SLC25A26: variants seen among roughly 807,000 people sequenced by gnomAD.
SLC25A26 encodes solute carrier family 25 member 26.
Under a neutral mutation model 37.8 loss-of-function variants are expected in SLC25A26, and 36 were observed. The observed-to-expected ratio is 0.95, with a 90% confidence interval of 0.73 to 1.26. The LOEUF (loss-of-function observed/expected upper bound fraction) is 1.26, where lower values mean the gene tolerates loss of function less well. Among genes scored for constraint, SLC25A26 ranks in the 50% most tolerant of loss-of-function variants. The pLI is 0.00. For missense variants in SLC25A26, 390 were observed against 331.1 expected (o/e 1.18, Z -1.38); for synonymous variants, 129 against 122.5 (o/e 1.05, Z -0.35).
chr3:66,184,585 C>CTGCTCACCTTGAGTTCACTATGTATTACA (rs2070780311), intron 1 of SLC25A26, among the ~76,000 whole-genome samples: 1 of 128,132 alleles, frequency 7.8e-6, no homozygotes, highest in Non-Finnish European at 1.7e-5. Context: ...TCACCTGACT[C>CTGCTCACCTTGAGTTCACTATGTATTACA]TGCTCACCTT....
chr3:66,234,355 C>G (rs1166197905), intron 1 of SLC25A26, among the ~76,000 whole-genome samples: 1 of 152,180 alleles, frequency 6.6e-6, no homozygotes, highest in East Asian at 1.9e-4. Context: ...AACTTTTTCC[C>G]ATGACTTAGG....
chr3:66,194,581 C>G (rs1315645403), intron 1 of SLC25A26, among the ~76,000 whole-genome samples: 4 of 152,190 alleles, frequency 2.6e-5, no homozygotes, highest in African/African-American at 9.6e-5. Context: ...AATCAACCCT[C>G]TCTAGGGTCC....
At chr3:66,308,620 A>G (rs1397234494) in intron 5 of SLC25A26, among the ~76,000 whole-genome samples, 1 of 152,180 alleles carries the variant, frequency 6.6e-6, no homozygotes, top group Non-Finnish European at 1.5e-5. Flanking sequence ...CCCATTGAGT[A>G]TGACACTGGC....
intron 5 of SLC25A26, among the ~76,000 whole-genome samples, chr3:66,327,360 G>A (rs1343484865): frequency 6.6e-6 from 1 of 152,046 alleles, no homozygotes; most frequent in Non-Finnish European, 1.5e-5. Flanking sequence ...TTGACTCCAG[G>A]ATAAAAACAC....
chr3:66,339,559 G>A (rs1362367255), intron 5 of SLC25A26, among the ~76,000 whole-genome samples: 4 of 151,526 alleles, frequency 2.6e-5, no homozygotes, highest in Non-Finnish European at 5.9e-5. Context: ...TGTTTTTGTT[G>A]CTAGTAGCCC....
chr3:66,211,365 C>G (rs1052084330), intron 1 of SLC25A26, among the ~76,000 whole-genome samples: 20 of 151,928 alleles, frequency 1.3e-4, no homozygotes, highest in African/African-American at 4.8e-4. Context: ...GGAAGGTTTG[C>G]AATGAGAAAG....
rs1301722822 is a variant in SLC25A26, at chr3:66,192,334, A to AAAG, written c.-353-28407_-353-28406insAGA. Among the ~76,000 whole-genome samples the AAAG allele has an allele frequency of 8.4e-3, 1,260 of 150,438 alleles. 24 individuals carry two copies. Among genetic ancestry groups the AAAG allele is most frequent in the African/African-American group, 0.029 (1,183 of 40,524 alleles). ...CCATGTCACAAAAAAAAAAAAAAAA[A>AAAG]AGAGAGAGAAATTGCAGAATTTGCT... is the stretch of plus-strand genomic sequence containing the variant. On this transcript the variant is annotated intron_variant, in intron 1 of 10. Transcript: ENST00000676754.
chr3:66,138,258 G>A (rs542743561), intron 1 of SLC25A26, among the ~76,000 whole-genome samples: 3 of 151,944 alleles, frequency 2.0e-5, no homozygotes, highest in East Asian at 1.9e-4. Context: ...TGTATACATC[G>A]TATACAATGT....
chr3:66,277,894 C>G (rs1216004719), intron 5 of SLC25A26, among the ~76,000 whole-genome samples: 1 of 151,738 alleles, frequency 6.6e-6, no homozygotes, highest in Admixed American at 6.6e-5. Flanking sequence ...TCACACAAAC[C>G]GAGATTGAGA....
intron 3 of SLC25A26, among the ~76,000 whole-genome samples, chr3:66,260,757 T>C (rs1397331561): frequency 6.6e-6 from 1 of 152,212 alleles, no homozygotes; most frequent in East Asian, 1.9e-4. Context: ...AATATAGTTT[T>C]ATTGGAACAT....
intron 3 of SLC25A26, among the ~76,000 whole-genome samples, chr3:66,244,378 T>C (rs2072727364): frequency 6.6e-6 from 1 of 152,190 alleles, no homozygotes; most frequent in South Asian, 2.1e-4. Context: ...ACTGTAGTCT[T>C]AGTTGGAGAT....
At chr3:66,285,018 G>T (rs2074463110) in intron 5 of SLC25A26, among the ~76,000 whole-genome samples, 1 of 152,140 alleles carries the variant, frequency 6.6e-6, no homozygotes, top group Admixed American at 6.5e-5. Flanking sequence ...ATTAAGGATA[G>T]TACCAACTCT....
At chr3:66,251,325 G>C (rs1435932171) in intron 3 of SLC25A26, among the ~76,000 whole-genome samples, 2 of 152,174 alleles carry the variant, frequency 1.3e-5, no homozygotes, top group Non-Finnish European at 2.9e-5. Context: ...TGCAGAGGGA[G>C]AGAGTGAGTT....
intron 3 of SLC25A26, among the ~76,000 whole-genome samples, chr3:66,251,437 A>C (rs182269676): frequency 6.6e-6 from 1 of 152,168 alleles, no homozygotes; most frequent in African/African-American, 2.4e-5. Context: ...GATGCCTTTT[A>C]GTTTGTTGTG....
intron 3 of SLC25A26, among the ~76,000 whole-genome samples, chr3:66,256,792 G>C (rs2073321200): frequency 6.6e-6 from 1 of 152,110 alleles, no homozygotes. Flanking sequence ...CTCCGCAAGA[G>C]GCTGAGATGG....
chr3:66,361,803 C>T (rs2076713851), intron 6 of SLC25A26, among the ~76,000 whole-genome samples: 1 of 151,978 alleles, frequency 6.6e-6, no homozygotes, highest in Non-Finnish European at 1.5e-5. Flanking sequence ...GTGTCTAGGA[C>T]TAAAAATACA....
intron 5 of SLC25A26, among the ~76,000 whole-genome samples, chr3:66,306,326 G>C (rs2075220402): frequency 6.6e-6 from 1 of 152,240 alleles, no homozygotes; most frequent in South Asian, 2.1e-4. Context: ...GCGTGAGACG[G>C]TATCTCATTG....
chr3:66,320,029 C>T (rs1413081342), intron 5 of SLC25A26, among the ~76,000 whole-genome samples: 1 of 152,040 alleles, frequency 6.6e-6, no homozygotes, highest in African/African-American at 2.4e-5. Flanking sequence ...GCAATTTAAT[C>T]TTTAGTGGGC....
intron 5 of SLC25A26, among the ~76,000 whole-genome samples, chr3:66,313,718 C>T (rs1013287164): frequency 5.9e-5 from 9 of 152,088 alleles, no homozygotes; most frequent in Non-Finnish European, 1.3e-4. Context: ...GGTGGTGTGG[C>T]CATTTTTGTA....
Sources: gnomAD v4.1 joint callset for allele counts (sites outside exome capture counted in the v4.1 genomes callset) on GRCh38, gnomAD v4.1.1 for gene constraint, MANE v1.5 for transcripts, NCBI Gene and HGNC (gene_info 2026-07-23, HGNC 2026-07-21) for gene names.